Variants in NETO1 observed in about 807,000 individuals in gnomAD.
The protein encoded by NETO1 is neuropilin and tolloid like 1.
A neutral mutation model predicts 61.3 loss-of-function variants in NETO1; 26 were observed. The ratio of observed to expected loss-of-function variants is 0.42; its 90% confidence interval spans 0.31 to 0.59. The LOEUF is 0.59. Among genes scored for constraint, NETO1 ranks in the 20% least tolerant of loss-of-function variants. NETO1 has a pLI of 0.12. For synonymous variants in NETO1, 225 were observed against 225.8 expected (o/e 1.00, Z 0.03); for missense variants, 531 against 662.8 (o/e 0.80, Z 2.18).
intron 7 of NETO1, among the ~76,000 whole-genome samples, chr18:72,768,448 CA>C (rs112984078): frequency 2.6e-5 from 4 of 152,172 alleles, no homozygotes; most frequent in African/African-American, 9.6e-5. Flanking sequence ...TACAAACAAG[CA>C]AAAACAACAC....
intron 6 of NETO1, among the ~76,000 whole-genome samples, chr18:72,793,590 T>A (rs1457906590): frequency 1.3e-5 from 2 of 152,180 alleles, no homozygotes; most frequent in Non-Finnish European, 2.9e-5. Context: ...CATAACAGCA[T>A]CACAAGGAGC....
rs1005782440 is a variant in NETO1, at chr18:72,746,735, G to T, written c.*1444C>A. On this transcript the variant is annotated 3_prime_UTR_variant, in exon 11 of 11. Coordinates refer to ENST00000327305, the MANE Select transcript of NETO1 (RefSeq NM_138966.5). ...AAGGACAGAGTTCTTTAAACCTGGA[G>T]AATTCAGTAGTTTTGAAAATGTTGG... Among the ~76,000 whole-genome samples, 2 of 151,722 alleles carry T rather than the reference G, an allele frequency of 1.3e-5. No individual in the cohort carries two copies. Among genetic ancestry groups the T allele is most frequent in the Non-Finnish European group, 2.9e-5 (2 of 67,918 alleles).
intron 6 of NETO1, among the ~76,000 whole-genome samples, chr18:72,791,156 G>A (rs965996338): frequency 6.6e-6 from 1 of 151,942 alleles, no homozygotes; most frequent in Non-Finnish European, 1.5e-5. Context: ...TAATTAAAGG[G>A]GACCATCTAG....
chr18:72,865,002 T>C, intron 2 of NETO1, 57 bp from the exon 3 acceptor site: 2 of 1,538,032 alleles, frequency 1.3e-6, no homozygotes, highest in South Asian at 1.2e-5. Context: ...TCTATTGTAC[T>C]AAAAATAGAG....
chr18:72,772,171 T>A (rs1408680596), intron 7 of NETO1, among the ~76,000 whole-genome samples: 1 of 134,232 alleles, frequency 7.4e-6, no homozygotes, highest in Non-Finnish European at 1.7e-5. Flanking sequence ...CTGTATAATA[T>A]GGCAGGCTGC....
intron 4 of NETO1, among the ~76,000 whole-genome samples, chr18:72,838,516 C>T (rs1475758353): frequency 6.6e-6 from 1 of 152,206 alleles, no homozygotes; most frequent in Non-Finnish European, 1.5e-5. Flanking sequence ...GTAGTACAGG[C>T]TTGACTTAGT....
chr18:72,819,255 T>G (rs896677099), intron 4 of NETO1, among the ~76,000 whole-genome samples: 3 of 152,174 alleles, frequency 2.0e-5, no homozygotes, highest in South Asian at 2.1e-4. Context: ...GATAAGGGAG[T>G]GCTGCCACCT....
intron 4 of NETO1, among the ~76,000 whole-genome samples, chr18:72,826,414 T>C (rs539546724): frequency 1.3e-5 from 2 of 151,546 alleles, no homozygotes; most frequent in East Asian, 3.9e-4. Context: ...ACTATCTTGC[T>C]GGGATTTTTT....
At chr18:72,785,156 A>G (rs1477486638) in intron 6 of NETO1, among the ~76,000 whole-genome samples, 1 of 152,214 alleles carries the variant, frequency 6.6e-6, no homozygotes, top group African/African-American at 2.4e-5. Flanking sequence ...TAAACTAAAG[A>G]CATGGCATTC....
At chr18:72,751,327 G>A (rs1329834484) in intron 8 of NETO1, among the ~76,000 whole-genome samples, 1 of 152,168 alleles carries the variant, frequency 6.6e-6, no homozygotes, top group Non-Finnish European at 1.5e-5. Context: ...TAGGACCAGT[G>A]AGAGTCTGTG....
At chr18:72,788,386 C>A (rs942080967) in intron 6 of NETO1, among the ~76,000 whole-genome samples, 1 of 152,012 alleles carries the variant, frequency 6.6e-6, no homozygotes, top group African/African-American at 2.4e-5. Context: ...TTCCATTATC[C>A]AGAAAACGTG....
chr18:72,852,833 C>CTT (rs71166431), intron 4 of NETO1, among the ~76,000 whole-genome samples: 3,108 of 132,226 alleles, frequency 0.024, 76 homozygotes, highest in Middle Eastern at 0.033. Context: ...TTTTCTTTTT[C>CTT]TTTTTTTTTT....
At chr18:72,768,061 C>T (rs150311888) in intron 7 of NETO1, among the ~76,000 whole-genome samples, 125 of 152,308 alleles carry the variant, frequency 8.2e-4, no homozygotes, top group Middle Eastern at 3.4e-3. Context: ...CTGGCTGACA[C>T]TGAACATGTG....
chr18:72,771,172 A>G (rs11661185), intron 7 of NETO1, among the ~76,000 whole-genome samples: 49,112 of 152,056 alleles, frequency 0.32, 8,559 homozygotes, highest in South Asian at 0.48. Context: ...AATGAAAATT[A>G]TGTGAACAAA....
chr18:72,864,818 G>A lies in NETO1; in HGVS notation c.210C>T (p.Tyr70=), dbSNP rs1368173777. The A allele has an allele frequency of 3.8e-5, 61 of 1,613,686 alleles. No homozygotes were observed. The highest frequency in any genetic ancestry group is 4.7e-5 in the Non-Finnish European group (56 of 1,179,938). The change falls in exon 3 of 11, where the codon TAC becomes TAT. Residue 70 remains tyrosine, a synonymous_variant. Coordinates refer to ENST00000327305, the MANE Select transcript of NETO1 (RefSeq NM_138966.5). The part of the protein sequence containing the change: ...SKYPPDRECI[Y]IIEAAPRQCI... ...ACTGTCTCCCCTTACCTTCTATGAT[G>A]TAGATGCATTCCCGGTCAGGGGGAT...
At chr18:72,756,331 T>G (rs12970777) in intron 7 of NETO1, among the ~76,000 whole-genome samples, 184 bp from the exon 8 acceptor site, 51,212 of 152,022 alleles carry the variant, frequency 0.34, 8,968 homozygotes, top group South Asian at 0.4. Context: ...TTACTAAGAG[T>G]GCTGGCATTC....
chr18:72,852,239 G>A (rs1019228224), intron 4 of NETO1, among the ~76,000 whole-genome samples: 9 of 152,110 alleles, frequency 5.9e-5, no homozygotes, highest in Non-Finnish European at 1.3e-4. Context: ...TTTTGAGATG[G>A]AGTCTCGCTC....
chr18:72,848,801 C>T (rs1389167393), intron 4 of NETO1, among the ~76,000 whole-genome samples: 1 of 152,278 alleles, frequency 6.6e-6, no homozygotes, highest in Middle Eastern at 3.4e-3. Flanking sequence ...TGCTTGTAGG[C>T]ATTTGAAAGT....
intron 4 of NETO1, among the ~76,000 whole-genome samples, chr18:72,803,071 G>T (rs1416269002): frequency 1.3e-5 from 2 of 152,064 alleles, no homozygotes; most frequent in African/African-American, 4.8e-5. Context: ...TGGATGTTTG[G>T]CAGATATTTT....
Sources: gnomAD v4.1 joint callset for allele counts (sites outside exome capture counted in the v4.1 genomes callset) on GRCh38, gnomAD v4.1.1 for gene constraint, MANE v1.5 for transcripts, NCBI Gene and HGNC (gene_info 2026-07-23, HGNC 2026-07-21) for gene names.